Variants in NAA25 observed in about 807,000 individuals in gnomAD.
NAA25 encodes N-terminal acetyltransferase B complex subunit NAA25.
NAA25 carries 30 observed loss-of-function variants against 132.5 expected under a neutral mutation model. The observed-to-expected ratio is 0.23, with a 90% CI of 0.17 to 0.31. NAA25 has a LOEUF of 0.31. NAA25 is among the 10% of genes least tolerant of loss of function. The pLI is 1.00. For missense variants in NAA25, 771 were observed against 1,150.4 expected, an observed-to-expected ratio of 0.67 and a Z score of 4.77; for synonymous variants, 359 against 401.9, an observed-to-expected ratio of 0.89 and a Z score of 1.28.
At chr12:112,075,654 G>A in intron 8 of NAA25, 24 bp downstream of exon 8, 1 of 1,582,646 alleles carries the variant, frequency 6.3e-7, no homozygotes, top group Non-Finnish European at 8.7e-7. Context: ...CAGTCAAATG[G>A]TACAAAAGAA....
In NAA25 at chr12:112,051,801, C is replaced by T. The variant is rs962122408; in HGVS notation, c.1728+1757G>A. ...GGTCTCCTTTGCCTATATTGCAACACTTTTGTAATTTTATTTTTAGATTTT... is the reference window on the plus strand; with the variant it reads ...GGTCTCCTTTGCCTATATTGCAACATTTTTGTAATTTTATTTTTAGATTTT... On this transcript the variant is annotated intron_variant, in intron 15 of 23. Transcript: ENST00000261745. 1.2e-4 allele frequency among the ~76,000 whole-genome samples: 18 copies of T among 152,278 alleles called. No homozygotes were observed. In the East Asian group the frequency reaches 3.3e-3, roughly 28 times the overall value.
At chr12:112,086,073 T>TATATACACACACACACACACAC (rs759148501) in intron 4 of NAA25, among the ~76,000 whole-genome samples, 2 of 53,988 alleles carry the variant, frequency 3.7e-5, no homozygotes, top group East Asian at 2.3e-3. Flanking sequence ...TATATATATA[T>TATATACACACACACACACACAC]ACACACACAC....
chr12:112,048,988 GAAGT>G (rs1287957364), intron 15 of NAA25, among the ~76,000 whole-genome samples: 2 of 151,662 alleles, frequency 1.3e-5, no homozygotes, highest in East Asian at 1.9e-4. Context: ...CGTCAGGATA[GAAGT>G]AAGACACCAA....
At chr12:112,097,069 T>C (rs1325692499) in intron 1 of NAA25, among the ~76,000 whole-genome samples, 1 of 152,182 alleles carries the variant, frequency 6.6e-6, no homozygotes, top group African/African-American at 2.4e-5. Flanking sequence ...TAGGACTAGA[T>C]GACCATGTCT....
intron 1 of NAA25, among the ~76,000 whole-genome samples, chr12:112,108,133 T>A (rs886990483): frequency 2.0e-5 from 3 of 151,850 alleles, no homozygotes; most frequent in Non-Finnish European, 2.9e-5. Context: ...GTGACCAGAG[T>A]AGCTGCTTCT....
At chr12:112,074,018 A>G (rs2078856143) in intron 9 of NAA25, among the ~76,000 whole-genome samples, 2 of 152,074 alleles carry the variant, frequency 1.3e-5, no homozygotes, top group Non-Finnish European at 2.9e-5. Context: ...GTCTAATACA[A>G]TCCCATTTTT....
intron 5 of NAA25, among the ~76,000 whole-genome samples, chr12:112,079,138 A>G (rs2078935086): frequency 6.6e-6 from 1 of 152,198 alleles, no homozygotes; most frequent in Non-Finnish European, 1.5e-5. Context: ...AATTCCTTTC[A>G]TTACACAGTT....
In NAA25 at chr12:112,074,749, C is replaced by T. The variant is rs1291482074; in HGVS notation, c.792G>A (p.Gln264=). Residue 264 remains glutamine (Q), a synonymous_variant, in exon 9 of 24, where the codon CAG becomes CAA. Coordinates refer to ENST00000261745, the MANE Select transcript of NAA25 (RefSeq NM_024953.4). The part of the protein sequence containing the change: ...RLLLKNSDDW[Q]FYLTYFDSVF... ...CAGAATCGAAATAAGTCAGATAGAA[C>T]TGCCAGTCATCTGAGCTAAAATCAG... The T allele has an allele frequency of 6.2e-7, 1 of 1,610,720 alleles. No individual in the cohort carries two copies. The highest frequency in any genetic ancestry group is 2.2e-5 in the East Asian group (1 of 44,768).
intron 2 of NAA25, among the ~76,000 whole-genome samples, chr12:112,091,736 C>T (rs1413056519): frequency 3.3e-5 from 5 of 151,324 alleles, no homozygotes; most frequent in African/African-American, 4.9e-5. Context: ...GGTGGTACAC[C>T]CTGTAGTCCC....
At chr12:112,038,104 C>G (rs142756754) in intron 22 of NAA25, among the ~76,000 whole-genome samples, 2,515 of 152,262 alleles carry the variant, frequency 0.017, 85 homozygotes, top group Admixed American at 0.087. Flanking sequence ...ACCTCTGCCT[C>G]TCGGGTTCAA....
chr12:112,070,170 A>C (rs1479652321), intron 10 of NAA25, among the ~76,000 whole-genome samples: 1 of 152,148 alleles, frequency 6.6e-6, no homozygotes, highest in Admixed American at 6.6e-5. Context: ...GCAAATTCTT[A>C]GTATGAGCAA....
At chr12:112,044,708 C>A (rs1427366183) in intron 17 of NAA25, among the ~76,000 whole-genome samples, 2 of 151,464 alleles carry the variant, frequency 1.3e-5, no homozygotes, top group Admixed American at 6.6e-5. Context: ...AAAAACAGGT[C>A]ATTTTCCTTA....
In NAA25 at chr12:112,087,801, G is replaced by T. The variant is rs1270628410; in HGVS notation, c.284C>A (p.Pro95Gln). ...CTCATAAAGTTTTGTAACTAACTCC[G>T]CTAAGATAAAGAGAAATAAGATTTA... ...LTILYREMHRPELVTKLYEAA... is the reference protein window; with the variant it reads ...LTILYREMHRQELVTKLYEAA... Residue 95 changes from proline (P) to glutamine (Q), a missense_variant and splice_region_variant, in exon 4 of 24, where the codon CCG becomes CAG. Pro to Gln is a moderately conservative substitution (Grantham distance 76, BLOSUM62 -1). Around this residue, in one of 3 missense-constraint regions of NAA25, gnomAD observed 417 missense variants for 733.8 expected, o/e 0.57. Coordinates refer to ENST00000261745, the MANE Select transcript of NAA25 (RefSeq NM_024953.4). 2 of 1,573,194 alleles carry T rather than the reference G, an allele frequency of 1.3e-6. No individual in the cohort carries two copies. Among genetic ancestry groups the T allele is most frequent in the Non-Finnish European group, 1.7e-6 (2 of 1,143,182 alleles).
In NAA25 at chr12:112,033,219, C is replaced by T. The variant is rs761476399; in HGVS notation, c.2796+14G>A. Reference sequence around the variant, plus strand: ...GTGTGTAGAAAACATTGCCGATTGCCTACAATCTCTTACCGGTGAGAGAGA... The same window carrying T: ...GTGTGTAGAAAACATTGCCGATTGCTTACAATCTCTTACCGGTGAGAGAGA... On this transcript the variant is annotated intron_variant, in intron 23 of 23. Transcript: ENST00000261745. 6.3e-7 allele frequency: 1 copy of T among 1,596,772 alleles called. No individual in the cohort carries two copies. Among genetic ancestry groups the T allele is most frequent in the Non-Finnish European group, 8.5e-7 (1 of 1,172,654 alleles).
chr12:112,106,821 C>T lies in NAA25; in HGVS notation c.58+1895G>A, dbSNP rs185705406. Among the ~76,000 whole-genome samples, 83 of 151,946 alleles carry T rather than the reference C, an allele frequency of 5.5e-4. No homozygotes were observed. In the East Asian group the frequency reaches 0.012, roughly 21 times the overall value. On this transcript the variant is annotated intron_variant, in intron 1 of 23. Transcript: ENST00000261745. Reference sequence around the variant, plus strand: ...ATACAAAAATTAGCCGGCATGGTGGCGGGCACCTGTAATCCCAGCTACTCA... The same window carrying T: ...ATACAAAAATTAGCCGGCATGGTGGTGGGCACCTGTAATCCCAGCTACTCA...
At chr12:112,040,283 A>G (rs1593750770) in intron 21 of NAA25, 198 bp downstream of exon 21, 1 of 458,068 alleles carries the variant, frequency 2.2e-6, no homozygotes, top group East Asian at 4.0e-5. Flanking sequence ...TTACCTAAGT[A>G]TTATGAATGA....
At chr12:112,102,689 T>A (rs2079310524) in intron 1 of NAA25, among the ~76,000 whole-genome samples, 1 of 144,356 alleles carries the variant, frequency 6.9e-6, no homozygotes, top group African/African-American at 2.5e-5. Context: ...TCACACTAGC[T>A]GCCCCCCCGC....
At chr12:112,090,134 C>T (rs901019240) in intron 3 of NAA25, among the ~76,000 whole-genome samples, 1 of 152,002 alleles carries the variant, frequency 6.6e-6, no homozygotes, top group Admixed American at 6.6e-5. Context: ...CCTGGCAACG[C>T]TCCATTTCTT....
At chr12:112,038,449 T>C (rs773771669) in intron 22 of NAA25, among the ~76,000 whole-genome samples, 2 of 152,236 alleles carry the variant, frequency 1.3e-5, no homozygotes, top group Non-Finnish European at 2.9e-5. Flanking sequence ...AAGTCTGTAC[T>C]TTCCTTTTAC....
Sources: gnomAD v4.1 joint callset for allele counts (sites outside exome capture counted in the v4.1 genomes callset) on GRCh38, gnomAD v4.1.1 for gene constraint, gnomAD v4.1.1 regional missense constraint, MANE v1.5 for transcripts, NCBI Gene and HGNC (gene_info 2026-07-23, HGNC 2026-07-21) for gene names.